The following GARNL3 variants were observed in gnomAD, a reference collection of about 807,000 sequenced individuals.
GARNL3 encodes GTPase-activating Rap/Ran-GAP domain-like protein 3.
In GARNL3, 63 loss-of-function variants were observed where a neutral mutation model predicts 125.0. That is an observed-to-expected ratio of 0.50 (90% CI 0.41 to 0.62). GARNL3 has a LOEUF of 0.62. GARNL3 is among the 20% of genes least tolerant of loss of function. The pLI is 0.00. For missense variants in GARNL3, 994 were observed against 1,244.0 expected, an observed-to-expected ratio of 0.80 and a Z score of 3.02; for synonymous variants, 439 against 457.5, an observed-to-expected ratio of 0.96 and a Z score of 0.52.
chr9:127,354,044 C>T, intron 18 of GARNL3, 100 bp downstream of exon 18: 3 of 805,274 alleles, frequency 3.7e-6, no homozygotes, highest in Non-Finnish European at 6.3e-6. Flanking sequence ...ATAAGTTCTG[C>T]CAGCTGTTTC....
In GARNL3 at chr9:127,264,920, T is replaced by C. The variant is rs780032546; in HGVS notation, c.43T>C (p.Cys15Arg). 6.2e-7 allele frequency: 1 copy of C among 1,603,342 alleles called. No individual in the cohort carries two copies. Among genetic ancestry groups the C allele is most frequent in the South Asian group, 1.1e-5 (1 of 89,180 alleles). The change falls in exon 1 of 28, where the codon TGT (cysteine) becomes CGT (arginine). Residue 15 changes from cysteine (C) to arginine (R), a missense_variant. Cys to Arg is a radical substitution (Grantham distance 180, BLOSUM62 -3). Around this residue, in one of 5 missense-constraint regions of GARNL3, gnomAD observed 37 missense variants for 34.2 expected, o/e 1.08. Transcript: ENST00000373387. Reference sequence around the variant, plus strand: ...CAGAAGGTTTGTGGCCAGATCGCTATGTATAATACTGATGAAGCATTTTTG... The same window carrying C: ...CAGAAGGTTTGTGGCCAGATCGCTACGTATAATACTGATGAAGCATTTTTG... ...FCRRFVARSL[C>R]IILMKHFCSS...
At chr9:127,299,193 T>A (rs1223358243) in intron 2 of GARNL3, among the ~76,000 whole-genome samples, 1 of 151,262 alleles carries the variant, frequency 6.6e-6, no homozygotes, top group African/African-American at 2.4e-5. Context: ...GGCGGGTGCC[T>A]GTAGATCCAG....
At chr9:127,361,271 A>AAGAG (rs61658215) in intron 21 of GARNL3, among the ~76,000 whole-genome samples, 57 of 149,264 alleles carry the variant, frequency 3.8e-4, no homozygotes, top group South Asian at 2.1e-3. Context: ...TATTTTTTTT[A>AAGAG]AGAGAGAGAG....
intron 1 of GARNL3, among the ~76,000 whole-genome samples, chr9:127,228,771 GGTT>G (rs1323890411): frequency 5.3e-5 from 8 of 151,992 alleles, no homozygotes; most frequent in South Asian, 2.1e-4. Flanking sequence ...TTTAAATTGT[GGTT>G]GTTGTTTTAA....
intron 2 of GARNL3, among the ~76,000 whole-genome samples, chr9:127,257,335 A>C (rs896400727): frequency 7.9e-5 from 12 of 152,242 alleles, no homozygotes; most frequent in African/African-American, 2.9e-4. Context: ...TTCACTTATA[A>C]GAAACTGCCA....
chr9:127,251,305 C>T (rs1033609109), intron 2 of GARNL3, among the ~76,000 whole-genome samples: 2 of 152,080 alleles, frequency 1.3e-5, no homozygotes, highest in African/African-American at 2.4e-5. Flanking sequence ...CCTATATTTC[C>T]GTGAGTTTGG....
At position 127,357,305 on chromosome 9, in the gene GARNL3, T is replaced by A; in HGVS notation, c.2022T>A (p.Tyr674Ter). The A allele has an allele frequency of 6.2e-7, 1 of 1,614,228 alleles. No individual in the cohort carries two copies. Among genetic ancestry groups the A allele is most frequent in the East Asian group, 2.2e-5 (1 of 44,882 alleles). Residue 674 changes from tyrosine (Y) to a stop codon, truncating the protein, a stop_gained, in exon 21 of 28, where the codon TAT becomes TAA. Transcript: ENST00000373387. LOFTEE classifies it high-confidence loss of function. ...GTGACAATCTCATCTGTGTGGCTTA[T>A]CGACACCAATTTGATGTGGTGAATG... ...EESDNLICVAYRHQFDVVNES... is the reference protein window; with the variant it reads ...EESDNLICVA
chr9:127,344,269 T>C lies in GARNL3; in HGVS notation c.1286T>C (p.Leu429Ser), dbSNP rs1287180181. 3.1e-6 allele frequency: 5 copies of C among 1,613,878 alleles called. No homozygotes were observed. The highest frequency in any genetic ancestry group is 4.2e-6 in the Non-Finnish European group (5 of 1,179,882). The change falls in exon 15 of 28, where the codon TTA (leucine) becomes TCA (serine). Residue 429 changes from leucine (L) to serine (S), a missense_variant. Transcript: ENST00000373387. ...AATAGACGATCTTTTAGTGATGTCTTACCAGAGTCACCCAAGTCAGCGCGG... is the reference window on the plus strand; with the variant it reads ...AATAGACGATCTTTTAGTGATGTCTCACCAGAGTCACCCAAGTCAGCGCGG... ...MLNRRSFSDV[L>S]PESPKSARKK...
In GARNL3 at chr9:127,392,462, C is replaced by G. The variant is rs758278416; in HGVS notation, c.2871-621C>G. On this transcript the variant is annotated intron_variant, in intron 27 of 27. Transcript: ENST00000373387. This position sits in a 1 kb window ranked among gnomAD's most constrained non-coding sequence, Gnocchi z 5.2. The stretch of plus-strand genomic sequence containing the variant: ...AGCAACTACCTCAGGGCAAGGGCCC[C>G]GAAGCAGGCCTAGCATGGCCAGTTA... Among the ~76,000 whole-genome samples, 1 of 152,164 alleles carries G rather than the reference C, an allele frequency of 6.6e-6. No homozygotes were observed. Among genetic ancestry groups the G allele is most frequent in the Non-Finnish European group, 1.5e-5 (1 of 68,030 alleles).
chr9:127,372,837 T>G (rs570696332), intron 22 of GARNL3, among the ~76,000 whole-genome samples: 2 of 152,238 alleles, frequency 1.3e-5, no homozygotes, highest in Admixed American at 1.3e-4. Flanking sequence ...TGATTGCCTT[T>G]TGGGAATTTT....
chr9:127,376,430 G>T (rs530471573), intron 22 of GARNL3, among the ~76,000 whole-genome samples: 69 of 152,088 alleles, frequency 4.5e-4, no homozygotes, highest in African/African-American at 1.4e-3. Flanking sequence ...GTGTTAGCCA[G>T]GATGGTCTCG....
At chr9:127,296,913 C>G (rs1208464557) in intron 2 of GARNL3, among the ~76,000 whole-genome samples, 1 of 152,040 alleles carries the variant, frequency 6.6e-6, no homozygotes, top group African/African-American at 2.4e-5. Flanking sequence ...CACCCCCGAT[C>G]CTGCAGCTAT....
intron 2 of GARNL3, chr9:127,300,353 G>T: frequency 7.7e-6 from 2 of 259,878 alleles, no homozygotes; most frequent in Non-Finnish European, 1.5e-5. Context: ...TTCTGGTATG[G>T]CCTTCTTTTC....
At chr9:127,367,792 G>A (rs1227278537) in intron 22 of GARNL3, among the ~76,000 whole-genome samples, 3 of 152,016 alleles carry the variant, frequency 2.0e-5, no homozygotes, top group African/African-American at 7.3e-5. Flanking sequence ...TTTTTGATGC[G>A]ATCATATTTA....
chr9:127,365,159 G>C, intron 21 of GARNL3, 141 bp from the exon 22 acceptor site: 1 of 675,050 alleles, frequency 1.5e-6, no homozygotes, highest in Non-Finnish European at 2.7e-6. Context: ...TGTGCATTGT[G>C]GGTGCTGGTG....
At chr9:127,265,073 C>T (rs773743447) in intron 1 of GARNL3, 52 bp downstream of exon 1, 47 of 1,480,632 alleles carry the variant, frequency 3.2e-5, no homozygotes, top group African/African-American at 1.7e-4. Context: ...GATTTAGAGA[C>T]GATTGCCAAG....
intron 17 of GARNL3, among the ~76,000 whole-genome samples, chr9:127,353,024 C>T (rs1177143160): frequency 1.3e-5 from 2 of 152,166 alleles, no homozygotes; most frequent in African/African-American, 4.8e-5. Context: ...CTGAATGGAA[C>T]AGCCTTAGTA....
intron 20 of GARNL3, among the ~76,000 whole-genome samples, 175 bp from the exon 21 acceptor site, chr9:127,357,044 T>C (rs1158273962): frequency 6.6e-6 from 1 of 152,224 alleles, no homozygotes; most frequent in Non-Finnish European, 1.5e-5. Context: ...GGGAAGGAGA[T>C]GTCGGATGTG....
Position 127,345,403 on chromosome 9 carries a change from G to C in GARNL3, c.1357G>C (p.Ala453Pro). The C allele has an allele frequency of 6.3e-7, 1 of 1,597,836 alleles. No homozygotes were observed. The highest frequency in any genetic ancestry group is 8.5e-7 in the Non-Finnish European group (1 of 1,169,678). Reference sequence around the variant, plus strand: ...TTAATAGAGATCTCTGTTCTGTAAGGCACTAAAACTGAAATCCATTGTGAG... The same window carrying C: ...TTAATAGAGATCTCTGTTCTGTAAGCCACTAAAACTGAAATCCATTGTGAG... ...RQAEFVRIGQALKLKSIVRGD... is the reference protein window; with the variant it reads ...RQAEFVRIGQPLKLKSIVRGD... Residue 453 changes from alanine to proline, a missense_variant and splice_region_variant, in exon 16 of 28, where the codon GCA (alanine) becomes CCA (proline). This residue lies in a region of GARNL3 where 728 missense variants were observed against 865.7 expected (regional missense o/e 0.84). Coordinates refer to ENST00000373387, the MANE Select transcript of GARNL3 (RefSeq NM_032293.5).
Sources: allele counts gnomAD v4.1 joint callset (sites outside exome capture counted in the v4.1 genomes callset), GRCh38; gene constraint gnomAD v4.1.1; regional missense constraint gnomAD v4.1.1; non-coding constraint Gnocchi (gnomAD v3.1); transcripts MANE v1.5; gene names NCBI Gene and HGNC (gene_info 2026-07-23, HGNC 2026-07-21).